GREB1: variants seen among roughly 807,000 people sequenced by gnomAD.
GREB1 encodes growth regulating estrogen receptor binding 1.
A neutral mutation model predicts 200.7 loss-of-function variants in GREB1; 106 were observed. The observed-to-expected ratio is 0.53, with a 90% CI of 0.45 to 0.62. The LOEUF is 0.62. Ranked by LOEUF, GREB1 falls within the 20% of genes least tolerant of loss-of-function variation. The pLI is 0.00. For missense variants in GREB1, 2,243 were observed against 2,556.8 expected (o/e 0.88, Z 2.65); for synonymous variants, 1,132 against 1,092.4 (o/e 1.04, Z -0.72).
chr2:11,604,937 A>G (rs1682110690), intron 17 of GREB1, among the ~76,000 whole-genome samples: 1 of 152,196 alleles, frequency 6.6e-6, no homozygotes, highest in Non-Finnish European at 1.5e-5. Flanking sequence ...TCAGTTGGAC[A>G]CAAACCTACT....
At chr2:11,610,552 C>A in intron 17 of GREB1, 136 bp from the exon 18 acceptor site, 1 of 651,572 alleles carries the variant, frequency 1.5e-6, no homozygotes, top group South Asian at 1.9e-5. Context: ...TTCCCACAAC[C>A]ACCTTCCAGA....
At chr2:11,549,744 G>C (rs1009862216) in intron 1 of GREB1, among the ~76,000 whole-genome samples, 2 of 152,092 alleles carry the variant, frequency 1.3e-5, no homozygotes, top group African/African-American at 4.8e-5. Context: ...CTTGTTTTGT[G>C]GATACATCAT....
chr2:11,537,325 A>G (rs1051325183), intron 1 of GREB1, among the ~76,000 whole-genome samples: 5 of 152,246 alleles, frequency 3.3e-5, no homozygotes, highest in Admixed American at 6.5e-5. Flanking sequence ...CAAGCTTCAT[A>G]TTGGTAAGAA....
chr2:11,581,026 G>A, intron 7 of GREB1, 194 bp downstream of exon 7: 2 of 726,584 alleles, frequency 2.8e-6, no homozygotes, highest in Middle Eastern at 2.3e-4. Flanking sequence ...CTCTATGAGT[G>A]ACACTTGGGA....
intron 1 of GREB1, among the ~76,000 whole-genome samples, chr2:11,552,426 G>C (rs1460587310): frequency 6.6e-6 from 1 of 152,232 alleles, no homozygotes; most frequent in Non-Finnish European, 1.5e-5. Context: ...GGAGGCCTTT[G>C]ATAGGTGTTG....
chr2:11,527,129 T>C (rs1407726771), intron 1 of GREB1, among the ~76,000 whole-genome samples: 4 of 152,186 alleles, frequency 2.6e-5, no homozygotes, highest in Non-Finnish European at 5.9e-5. Flanking sequence ...AGCAGAGCCA[T>C]GTAGTGTACT....
chr2:11,636,026 C>T lies in GREB1; in HGVS notation c.5346+621C>T, dbSNP rs567493612. On this transcript the variant is annotated intron_variant, in intron 30 of 32. Transcript: ENST00000381486. ...CCCTAATGCCACCAGCTGCCTTTCCCAGGCTCTATCCCTCCTTGTCTCTGT... is the reference window on the plus strand; with the variant it reads ...CCCTAATGCCACCAGCTGCCTTTCCTAGGCTCTATCCCTCCTTGTCTCTGT... Among the ~76,000 whole-genome samples, 11 of 152,322 alleles carry T rather than the reference C, an allele frequency of 7.2e-5. No individual in the cohort carries two copies. The South Asian group carries it at 2.3e-3, about 32-fold the overall frequency.
chr2:11,560,670 C>A (rs1676927501), intron 2 of GREB1, among the ~76,000 whole-genome samples: 1 of 151,266 alleles, frequency 6.6e-6, no homozygotes, highest in African/African-American at 2.4e-5. Context: ...CATTTTACTC[C>A]AGTGTGGGTG....
At position 11,596,853 on chromosome 2, in the gene GREB1, G is replaced by A. The variant is rs190542773; in HGVS notation, c.1954+614G>A. Among the ~76,000 whole-genome samples, 479 of 133,108 alleles carry A rather than the reference G, an allele frequency of 3.6e-3. 5 individuals carry two copies. Among genetic ancestry groups the A allele is most frequent in the African/African-American group, 0.013 (437 of 34,862 alleles). 87.3% of individuals were successfully genotyped at this position (133,108 alleles called of 152,430 possible). Reference sequence around the variant, plus strand: ...ACAGTGAAAGGGGGCAGGGTCACTGGTGTGTACAGTGAGAGGGGTGGGGGC... The same window carrying A: ...ACAGTGAAAGGGGGCAGGGTCACTGATGTGTACAGTGAGAGGGGTGGGGGC... On this transcript the variant is annotated intron_variant, in intron 13 of 32. Transcript: ENST00000381486.
intron 1 of GREB1, among the ~76,000 whole-genome samples, chr2:11,555,125 A>AT (rs1033695675): frequency 1.3e-5 from 2 of 152,274 alleles, no homozygotes; most frequent in African/African-American, 4.8e-5. Context: ...AAAACTAAAG[A>AT]TGACAATAAA....
intron 17 of GREB1, among the ~76,000 whole-genome samples, chr2:11,608,439 T>C (rs1051654229): frequency 3.9e-5 from 6 of 152,230 alleles, no homozygotes; most frequent in Non-Finnish European, 5.9e-5. Flanking sequence ...TTTACATGTC[T>C]GGTAATTTTT....
At chr2:11,596,961 G>C (rs537655981) in intron 13 of GREB1, among the ~76,000 whole-genome samples, 1 of 151,910 alleles carries the variant, frequency 6.6e-6, no homozygotes, top group East Asian at 1.9e-4. Flanking sequence ...CCGTGAGAGT[G>C]GGCAGGGGCA....
chr2:11,596,189 C>A lies in GREB1; in HGVS notation c.1904C>A (p.Ser635Tyr). The change falls in exon 13 of 33, where the codon TCT becomes TAT. Residue 635 changes from serine (S) to tyrosine (Y), a missense_variant. Coordinates refer to ENST00000381486, the MANE Select transcript of GREB1 (RefSeq NM_014668.4). ...ATTTCTTCCTCACTCGCTGCCTCTT[C>A]TGTCACTAAAGCAGCATCCCTGGAT... The part of the protein sequence containing the change: ...GHISSSLAAS[S>Y]VTKAASLDVS... 1 of 1,613,528 alleles carries A rather than the reference C, an allele frequency of 6.2e-7. No homozygotes were observed. Among genetic ancestry groups the A allele is most frequent in the Non-Finnish European group, 8.5e-7 (1 of 1,179,466 alleles).
intron 8 of GREB1, 31 bp downstream of exon 8, chr2:11,585,305 A>T: frequency 7.3e-7 from 1 of 1,360,668 alleles, no homozygotes. Context: ...CCAGAATTCC[A>T]GACTTGGGTA....
chr2:11,521,980 T>C (rs1413533526), intron 1 of GREB1, among the ~76,000 whole-genome samples: 1 of 152,178 alleles, frequency 6.6e-6, no homozygotes, highest in Non-Finnish European at 1.5e-5. Context: ...CCGCTGGGTG[T>C]AGTTAATCTC....
rs115025857 is a variant in GREB1 at position 11,634,983 on chromosome 2, G to A, written c.5211-287G>A. Among the ~76,000 whole-genome samples the A allele has an allele frequency of 4.8e-3, 730 of 152,318 alleles. 7 individuals are homozygous for A. The highest frequency in any genetic ancestry group is 0.017 in the African/African-American group (694 of 41,560). On this transcript the variant is annotated intron_variant, in intron 29 of 32. Coordinates refer to ENST00000381486, the MANE Select transcript of GREB1 (RefSeq NM_014668.4). Reference sequence around the variant, plus strand: ...GTCGTGTTGGTAACGTTTCTCACGTGCACTTGGCCCTTGGCCTCTGGTCAC... The same window carrying A: ...GTCGTGTTGGTAACGTTTCTCACGTACACTTGGCCCTTGGCCTCTGGTCAC...
At chr2:11,577,432 C>T (rs1452837433) in intron 5 of GREB1, among the ~76,000 whole-genome samples, 1 of 152,216 alleles carries the variant, frequency 6.6e-6, no homozygotes, top group Non-Finnish European at 1.5e-5. Context: ...CCAGAAAGAC[C>T]AGCTTCACGT....
intron 9 of GREB1, chr2:11,587,727 AC>A: frequency 8.3e-7 from 1 of 1,203,820 alleles, no homozygotes; most frequent in Non-Finnish European, 1.0e-6. Context: ...ACACACACAC[AC>A]ACACACACAC....
At chr2:11,595,995 C>T in intron 12 of GREB1, 116 bp from the exon 13 acceptor site, 2 of 985,006 alleles carry the variant, frequency 2.0e-6, no homozygotes, top group Non-Finnish European at 3.1e-6. Flanking sequence ...GCCATGTCCT[C>T]CTCTTTACCT....
Sources: allele counts gnomAD v4.1 joint callset (sites outside exome capture counted in the v4.1 genomes callset), GRCh38; gene constraint gnomAD v4.1.1; transcripts MANE v1.5; gene names NCBI Gene and HGNC (gene_info 2026-07-23, HGNC 2026-07-21).